The following ZBTB32 variants were observed in gnomAD, a reference collection of about 807,000 sequenced individuals.
ZBTB32 encodes the protein zinc finger and BTB domain containing 32.
Under a neutral mutation model 45.3 loss-of-function variants are expected in ZBTB32, and 28 were observed. The observed-to-expected ratio is 0.62, with a 90% CI of 0.46 to 0.85. ZBTB32 has a LOEUF of 0.85. ZBTB32 is among the 40% of genes least tolerant of loss of function. The pLI is 0.00. For missense variants in ZBTB32, 587 were observed against 624.4 expected, an observed-to-expected ratio of 0.94 and a Z score of 0.64; for synonymous variants, 283 against 255.7, an observed-to-expected ratio of 1.11 and a Z score of -1.02.
rs979296508 is a variant in ZBTB32 at position 35,715,400 on chromosome 19, C to T, written c.774C>T (p.Gly258=). ...SWAEAPWLVG[G]QPALWSILLM... is the part of the protein sequence containing the mutation. Reference sequence around the variant, plus strand: ...CTGAGGCCCCTTGGTTGGTGGGGGGCCAGCCTGCCCTGTGGAGCATCCTGC... The same window carrying T: ...CTGAGGCCCCTTGGTTGGTGGGGGGTCAGCCTGCCCTGTGGAGCATCCTGC... The change falls in exon 3 of 7, where the codon GGC becomes GGT. Residue 258 remains glycine, a synonymous_variant. Coordinates refer to ENST00000392197, the MANE Select transcript of ZBTB32 (RefSeq NM_014383.3). The T allele has an allele frequency of 6.2e-7, 1 of 1,611,186 alleles. No individual in the cohort carries two copies. The highest frequency in any genetic ancestry group is 8.5e-7 in the Non-Finnish European group (1 of 1,179,036).
At chr19:35,712,454 T>C (rs1416602102) in intron 1 of ZBTB32, among the ~76,000 whole-genome samples, 1 of 152,112 alleles carries the variant, frequency 6.6e-6, no homozygotes, top group African/African-American at 2.4e-5. Flanking sequence ...CGTCTCAAAA[T>C]AAACATGTCA....
chr19:35,714,694 G>A lies in ZBTB32; in HGVS notation c.68G>A (p.Arg23Lys). Residue 23 changes from arginine (R) to lysine (K), a missense_variant, in exon 3 of 7, where the codon AGG becomes AAG. Arg to Lys is a conservative substitution (Grantham distance 26, BLOSUM62 2). Transcript: ENST00000392197. The part of the protein sequence containing the change: ...GSDRLVQLAA[R>K]LRPALCDTLI... ...GATCGGCTGGTACAGCTAGCAGCCA[G>A]GCTCCGGCCAGCACTCTGTGATACT... 1.2e-6 allele frequency: 2 copies of A among 1,608,390 alleles called. No individual in the cohort carries two copies. The highest frequency in any genetic ancestry group is 3.4e-5 in the Admixed American group (2 of 59,648).
rs137940473 is a variant in ZBTB32, at chr19:35,715,394, G to C, written c.768G>C (p.Val256=). 2 of 1,611,328 alleles carry C rather than the reference G, an allele frequency of 1.2e-6. No homozygotes were observed. Among genetic ancestry groups the C allele is most frequent in the Admixed American group, 3.4e-5 (2 of 59,518 alleles). ...RPSWAEAPWL[V]GGQPALWSIL... is the part of the protein sequence containing the mutation. The stretch of plus-strand genomic sequence containing the variant: ...CGTGGGCTGAGGCCCCTTGGTTGGT[G>C]GGGGGCCAGCCTGCCCTGTGGAGCA... Residue 256 remains valine (V), a synonymous_variant, in exon 3 of 7, where the codon GTG becomes GTC. Transcript: ENST00000392197.
At chr19:35,711,520 G>A (rs1968692688) in intron 1 of ZBTB32, among the ~76,000 whole-genome samples, 1 of 152,056 alleles carries the variant, frequency 6.6e-6, no homozygotes, top group African/African-American at 2.4e-5. Context: ...TCCCCACCCT[G>A]TTGCCCCTCC....
In ZBTB32 at chr19:35,714,932, G is replaced by A. The variant is rs1433538775; in HGVS notation, c.306G>A (p.Val102=). The change falls in exon 3 of 7, where the codon GTG becomes GTA. Residue 102 remains valine (V), a synonymous_variant. Transcript: ENST00000392197. ...PLQEAARALG[V]QSLEEACWRA... ...AGGAGGCGGCCAGGGCCTTGGGAGT[G>A]CAGTCCCTGGAAGAGGCATGCTGGA... The A allele has an allele frequency of 3.2e-6, 5 of 1,582,300 alleles. No individual in the cohort carries two copies. The highest frequency in any genetic ancestry group is 2.3e-5 in the South Asian group (2 of 86,480).
intron 1 of ZBTB32, among the ~76,000 whole-genome samples, chr19:35,709,022 G>A (rs1968619277): frequency 6.6e-6 from 1 of 152,048 alleles, no homozygotes; most frequent in South Asian, 2.1e-4. Flanking sequence ...GTTTCTCCAT[G>A]TTGGTCAGGC....
At position 35,715,184 on chromosome 19, in the gene ZBTB32, G is replaced by A. The variant is rs1240180329; in HGVS notation, c.558G>A (p.Gln186=). ...EMAGATQEAQ[Q]EQTRSKEKRL... ...CAGGAGCAACGCAGGAGGCTCAGCAGGAACAGACCAGGTCAAAGGAGAAAC... is the reference window on the plus strand; with the variant it reads ...CAGGAGCAACGCAGGAGGCTCAGCAAGAACAGACCAGGTCAAAGGAGAAAC... The change falls in exon 3 of 7, where the codon CAG becomes CAA. Residue 186 remains glutamine (Q), a synonymous_variant. Coordinates refer to ENST00000392197, the MANE Select transcript of ZBTB32 (RefSeq NM_014383.3). 6.2e-7 allele frequency: 1 copy of A among 1,612,762 alleles called. No homozygotes were observed. Among genetic ancestry groups the A allele is most frequent in the East Asian group, 2.2e-5 (1 of 44,898 alleles).
intron 3 of ZBTB32, 112 bp downstream of exon 3, chr19:35,715,619 G>C: frequency 6.7e-7 from 1 of 1,483,754 alleles, no homozygotes; most frequent in Non-Finnish European, 9.0e-7. Flanking sequence ...TCCTGAGCTG[G>C]GGAAGAGACA....
chr19:35,708,475 A>T (rs1336885427), intron 1 of ZBTB32, among the ~76,000 whole-genome samples: 3 of 152,222 alleles, frequency 2.0e-5, no homozygotes, highest in Non-Finnish European at 4.4e-5. Flanking sequence ...CAACACTAGT[A>T]TTCTGTACTG....
rs1213419806 is a variant in ZBTB32 at position 35,715,802 on chromosome 19, C to T, written c.927C>T (p.Asn309=). The change falls in exon 4 of 7, where the codon AAC becomes AAT. Residue 309 remains asparagine (N), a synonymous_variant. Transcript: ENST00000392197. The stretch of plus-strand genomic sequence containing the variant: ...CCCCCAAAGGGCTCTGGAGCCAGAA[C>T]CAGTTGGCCTCCTCCAGCCCTACCC... ...LNAPKGLWSQ[N]QLASSSPTPG... is the part of the protein sequence containing the mutation. 2 of 1,613,710 alleles carry T rather than the reference C, an allele frequency of 1.2e-6. No individual in the cohort carries two copies. The highest frequency in any genetic ancestry group is 1.7e-6 in the Non-Finnish European group (2 of 1,179,920).
At position 35,716,903 on chromosome 19, in the gene ZBTB32, G is replaced by A; in HGVS notation, c.*151G>A. The A allele has an allele frequency of 1.1e-6, 1 of 893,082 alleles. No individual in the cohort carries two copies. The highest frequency in any genetic ancestry group is 1.7e-6 in the Non-Finnish European group (1 of 599,998). 55.3% of individuals were successfully genotyped at this position (893,082 alleles called of 1,614,324 possible). On this transcript the variant is annotated 3_prime_UTR_variant, in exon 7 of 7. Coordinates refer to ENST00000392197, the MANE Select transcript of ZBTB32 (RefSeq NM_014383.3). ...GGGCGCCGAGTGCCCTCTCCTGGAC[G>A]ATCGCGGGTCGCAGAAGCCCAGGCC...
At chr19:35,713,445 G>A (rs538424491) in intron 2 of ZBTB32, 1 of 152,438 alleles carries the variant, frequency 6.6e-6, no homozygotes, top group South Asian at 2.1e-4. Context: ...CCTGGAAGAA[G>A]CTACAAGCGG....
At chr19:35,708,147 T>C (rs1240614166) in intron 1 of ZBTB32, among the ~76,000 whole-genome samples, 8 of 152,216 alleles carry the variant, frequency 5.3e-5, no homozygotes, top group Non-Finnish European at 8.8e-5. Context: ...TGGCCCATAC[T>C]TCAAGGTGTC....
chr19:35,712,180 C>G (rs1162362824), intron 1 of ZBTB32, among the ~76,000 whole-genome samples: 1 of 151,758 alleles, frequency 6.6e-6, no homozygotes, highest in Non-Finnish European at 1.5e-5. Context: ...ATGCTTTATC[C>G]GCTGGGCGCA....
At chr19:35,712,242 A>G (rs1231614438) in intron 1 of ZBTB32, among the ~76,000 whole-genome samples, 4 of 152,150 alleles carry the variant, frequency 2.6e-5, no homozygotes, top group African/African-American at 9.7e-5. Context: ...CAGGCGGATC[A>G]TTTGAGCCCA....
chr19:35,713,852 G>A (rs1184731157), intron 2 of ZBTB32, among the ~76,000 whole-genome samples: 1 of 152,200 alleles, frequency 6.6e-6, no homozygotes, highest in South Asian at 2.1e-4. Context: ...ATCTCCTCAG[G>A]AGTCCATTCT....
chr19:35,705,335 GA>G (rs1017414626), intron 1 of ZBTB32, among the ~76,000 whole-genome samples: 34 of 150,856 alleles, frequency 2.3e-4, no homozygotes, highest in Admixed American at 4.6e-4. Flanking sequence ...AAAATGAAAA[GA>G]AAAAAAAAGT....
intron 1 of ZBTB32, among the ~76,000 whole-genome samples, chr19:35,711,226 G>A (rs956557535): frequency 1.3e-5 from 2 of 152,176 alleles, no homozygotes; most frequent in Non-Finnish European, 2.9e-5. Context: ...CCATGTAATC[G>A]TCCAGACCCC....
chr19:35,711,713 G>C (rs1471310129), intron 1 of ZBTB32, among the ~76,000 whole-genome samples: 1 of 152,084 alleles, frequency 6.6e-6, no homozygotes, highest in African/African-American at 2.4e-5. Flanking sequence ...ATCTAGGAGG[G>C]GACAAGGACT....
Sources: allele counts gnomAD v4.1 joint callset (sites outside exome capture counted in the v4.1 genomes callset), GRCh38; gene constraint gnomAD v4.1.1; transcripts MANE v1.5; gene names NCBI Gene and HGNC (gene_info 2026-07-23, HGNC 2026-07-21).